ZMYND11: variants seen among roughly 807,000 people sequenced by gnomAD.
ZMYND11 encodes zinc finger MYND domain-containing protein 11.
In ZMYND11, 9 loss-of-function variants were observed where a neutral mutation model predicts 84.9. The ratio of observed to expected loss-of-function variants is 0.11; its 90% CI spans 0.06 to 0.18. The LOEUF is 0.18. ZMYND11 is among the 10% of genes least tolerant of loss of function. The pLI is 1.00. For synonymous variants in ZMYND11, 250 were observed against 244.1 expected (o/e 1.02, Z -0.23); for missense variants, 409 against 761.0 (o/e 0.54, Z 5.44).
At chr10:240,757 T>C (rs1030511640) in intron 8 of ZMYND11, 136 bp from the exon 9 acceptor site, 1 of 689,966 alleles carries the variant, frequency 1.4e-6, no homozygotes, top group Admixed American at 3.0e-5. Flanking sequence ...AACTTTAAAA[T>C]TTAGGCTTAA....
chr10:226,629 G>A lies in ZMYND11; in HGVS notation c.438+5273G>A, dbSNP rs375096590. ...TTTAGGGCTTTAAATTTTGTATGAT[G>A]TGCTTTTACAGTAAGTGAGTTACAG... On this transcript the variant is annotated intron_variant, in intron 4 of 14. Transcript: ENST00000381604. Among the ~76,000 whole-genome samples, 3 of 152,208 alleles carry A rather than the reference G, an allele frequency of 2.0e-5. No individual in the cohort carries two copies. In the East Asian group the frequency reaches 5.8e-4, roughly 29 times the overall value.
At chr10:222,184 C>T (rs1033762057) in intron 4 of ZMYND11, among the ~76,000 whole-genome samples, 6 of 152,098 alleles carry the variant, frequency 3.9e-5, no homozygotes, top group African/African-American at 7.2e-5. Context: ...TAATAACTTG[C>T]GTAATTTAAG....
In ZMYND11 at chr10:159,965, C is replaced by G. The variant is rs1252983345; in HGVS notation, c.-19-20029C>G. Among the ~76,000 whole-genome samples, 3 of 152,210 alleles carry G rather than the reference C, an allele frequency of 2.0e-5. No individual in the cohort carries two copies. In the East Asian group the frequency reaches 5.8e-4, roughly 29 times the overall value. On this transcript the variant is annotated intron_variant, in intron 1 of 14. Transcript: ENST00000381604. Reference sequence around the variant, plus strand: ...TTACCTCTTTTTTCCAGTTCTGATTCCTCTGATTGCCTTCTCTTATGTAAT... The same window carrying G: ...TTACCTCTTTTTTCCAGTTCTGATTGCTCTGATTGCCTTCTCTTATGTAAT...
At position 246,922 on chromosome 10, in the gene ZMYND11, C is replaced by T; in HGVS notation, c.1107C>T (p.Asp369=). ...GATTTTGGAAATCTAAGAATGAGGA[C>T]CGAGGTGAGGAAGAGGCAGAATCCA... ...EGRFWKSKNE[D]RGEEEAESSI... Residue 369 remains aspartate (D), a synonymous_variant, in exon 11 of 15, where the codon GAC becomes GAT. Coordinates refer to ENST00000381604, the MANE Select transcript of ZMYND11 (RefSeq NM_001370100.5). The T allele has an allele frequency of 1.2e-6, 2 of 1,612,732 alleles. No homozygotes were observed. The highest frequency in any genetic ancestry group is 1.7e-6 in the Non-Finnish European group (2 of 1,179,522).
chr10:147,773 G>T (rs1489487430), intron 1 of ZMYND11: 1 of 151,828 alleles, frequency 6.6e-6, no homozygotes, highest in African/African-American at 2.4e-5. Context: ...GATGGTCACA[G>T]ATATAACTAT....
intron 3 of ZMYND11, among the ~76,000 whole-genome samples, chr10:214,650 A>G (rs781249387): frequency 1.3e-5 from 2 of 152,172 alleles, no homozygotes; most frequent in African/African-American, 2.4e-5. Context: ...TGGTCATTCA[A>G]TGTTTTGTTA....
chr10:180,045 T>C lies in ZMYND11; in HGVS notation c.33T>C (p.Asp11=). 6.2e-7 allele frequency: 1 copy of C among 1,613,812 alleles called. No homozygotes were observed. The highest frequency in any genetic ancestry group is 2.2e-5 in the East Asian group (1 of 44,852). Reference sequence around the variant, plus strand: ...GTTTAACAAAAAGACGACAGGCGGATACAAAAGCTATCCAGCATCTTTGGG... The same window carrying C: ...GTTTAACAAAAAGACGACAGGCGGACACAAAAGCTATCCAGCATCTTTGGG... MARLTKRRQA[D]TKAIQHLWAA... The change falls in exon 2 of 15, where the codon GAT becomes GAC. Residue 11 remains aspartate (D), a synonymous_variant. Coordinates refer to ENST00000381604, the MANE Select transcript of ZMYND11 (RefSeq NM_001370100.5).
At chr10:208,189 A>T (rs921845367) in intron 2 of ZMYND11, among the ~76,000 whole-genome samples, 1 of 152,246 alleles carries the variant, frequency 6.6e-6, no homozygotes, top group African/African-American at 2.4e-5. Context: ...AAAACCATAA[A>T]AACCCTAGAA....
chr10:191,289 G>A (rs1364090326), intron 2 of ZMYND11, among the ~76,000 whole-genome samples: 2 of 152,162 alleles, frequency 1.3e-5, no homozygotes, highest in East Asian at 3.8e-4. Context: ...TCTGATATTG[G>A]AGTCCAAGCT....
intron 1 of ZMYND11, among the ~76,000 whole-genome samples, chr10:151,195 G>A (rs1554756917): frequency 6.6e-6 from 1 of 152,106 alleles, no homozygotes; most frequent in Non-Finnish European, 1.5e-5. Context: ...CCTCACCAGC[G>A]ACAGAACAAA....
At chr10:224,574 A>G (rs1947761781) in intron 4 of ZMYND11, among the ~76,000 whole-genome samples, 1 of 152,230 alleles carries the variant, frequency 6.6e-6, no homozygotes, top group East Asian at 1.9e-4. Context: ...ATTTAGGATA[A>G]GAAAAAATTC....
At chr10:199,865 CA>C (rs2131069239) in intron 2 of ZMYND11, among the ~76,000 whole-genome samples, 1 of 143,048 alleles carries the variant, frequency 7.0e-6, no homozygotes, top group Non-Finnish European at 1.6e-5. Context: ...ATGTGGAAAA[CA>C]TTTTTTTCTT....
intron 1 of ZMYND11, among the ~76,000 whole-genome samples, chr10:167,673 A>G (rs1261709764): frequency 6.6e-6 from 1 of 152,098 alleles, no homozygotes; most frequent in African/African-American, 2.4e-5. Flanking sequence ...CCTGCCACAT[A>G]TGGAAAGCAT....
At chr10:201,846 T>A (rs1041639499) in intron 2 of ZMYND11, among the ~76,000 whole-genome samples, 7 of 152,290 alleles carry the variant, frequency 4.6e-5, no homozygotes, top group Middle Eastern at 6.8e-3. Context: ...ACTTTAATAT[T>A]AGACATTTAC....
At chr10:238,379 C>T (rs1019486004) in intron 6 of ZMYND11, among the ~76,000 whole-genome samples, 43 of 150,890 alleles carry the variant, frequency 2.8e-4, no homozygotes, top group African/African-American at 7.6e-4. Context: ...TTTTTTGAGA[C>T]GGAGTCTCAC....
chr10:234,610 TGA>T, intron 4 of ZMYND11, among the ~76,000 whole-genome samples: 1 of 152,240 alleles, frequency 6.6e-6, no homozygotes. Context: ...TTAATGACAT[TGA>T]TATTTGAAAT....
intron 2 of ZMYND11, among the ~76,000 whole-genome samples, chr10:202,057 G>C (rs1443629489): frequency 6.6e-6 from 1 of 152,128 alleles, no homozygotes; most frequent in Non-Finnish European, 1.5e-5. Flanking sequence ...GTTTTCACAT[G>C]ATGCAAACCT....
chr10:203,905 TA>T (rs1486792519), intron 2 of ZMYND11, among the ~76,000 whole-genome samples: 1 of 152,202 alleles, frequency 6.6e-6, no homozygotes, highest in Non-Finnish European at 1.5e-5. Flanking sequence ...AAATGTAATA[TA>T]GAGCTTATGT....
chr10:148,557 T>C (rs1014586729), intron 1 of ZMYND11: 45 of 152,420 alleles, frequency 3.0e-4, no homozygotes, highest in African/African-American at 1.0e-3. Context: ...ACTAGTGTTT[T>C]GAGGCTTCAC....
Sources: gnomAD v4.1 joint callset for allele counts (sites outside exome capture counted in the v4.1 genomes callset) on GRCh38, gnomAD v4.1.1 for gene constraint, MANE v1.5 for transcripts, NCBI Gene and HGNC (gene_info 2026-07-23, HGNC 2026-07-21) for gene names.